The following SYMPK variants were observed in gnomAD, a reference collection of about 807,000 sequenced individuals.
The protein encoded by SYMPK is symplekin scaffold protein, also known as symplekin.
SYMPK carries 49 observed loss-of-function variants against 136.4 expected under a neutral mutation model. The observed-to-expected ratio is 0.36, with a 90% CI of 0.29 to 0.46. The LOEUF (loss-of-function observed/expected upper bound fraction) is 0.46. Ranked by LOEUF, SYMPK falls within the 20% of genes least tolerant of loss-of-function variation. SYMPK has a pLI of 1.00. For synonymous variants in SYMPK, 766 were observed against 713.0 expected, an observed-to-expected ratio of 1.07 and a Z score of -1.19; for missense variants, 1,365 against 1,690.0, an observed-to-expected ratio of 0.81 and a Z score of 3.37.
Position 45,838,492 on chromosome 19 carries a change from G to C in SYMPK, c.1211C>G (p.Pro404Arg), listed in dbSNP as rs1427190159. The C allele has an allele frequency of 6.2e-7, 1 of 1,614,028 alleles. No homozygotes were observed. Among genetic ancestry groups the C allele is most frequent in the Admixed American group, 1.7e-5 (1 of 60,016 alleles). ...DTDITAEFLQ[P>R]LLTPDNVANL... is the part of the protein sequence containing the mutation. ...AGCCACATTATCAGGCGTCAGCAGA[G>C]GCTGCAGGAACTCAGCTGTGATGTC... The change falls in exon 10 of 27, where the codon CCT becomes CGT. Residue 404 changes from proline (P) to arginine (R), a missense_variant. Physicochemically the swap from Pro to Arg is moderately radical, Grantham distance 103 (BLOSUM62 -2). Around this residue, in one of 11 missense-constraint regions of SYMPK, gnomAD observed 111 missense variants for 141.2 expected, o/e 0.79. Coordinates refer to ENST00000245934, the MANE Select transcript of SYMPK (RefSeq NM_004819.3).
intron 18 of SYMPK, among the ~76,000 whole-genome samples, chr19:45,824,929 G>GA (rs1421210862): frequency 1.3e-5 from 2 of 152,232 alleles, no homozygotes; most frequent in Non-Finnish European, 2.9e-5. Flanking sequence ...GTCGCAGTGA[G>GA]AAAGCGAGAA....
chr19:45,850,045 CAAAACAAAAACA>C (rs902500368), intron 5 of SYMPK, among the ~76,000 whole-genome samples: 10 of 151,022 alleles, frequency 6.6e-5, no homozygotes, highest in Admixed American at 2.0e-4. Flanking sequence ...AACTCCATCT[CAAAACAAAAACA>C]AAAACAAAAA....
At chr19:45,856,154 G>C (rs767477142) in intron 1 of SYMPK, among the ~76,000 whole-genome samples, 20 of 152,222 alleles carry the variant, frequency 1.3e-4, no homozygotes, top group Non-Finnish European at 2.8e-4. Flanking sequence ...AGGAGTTTGA[G>C]ACCAGCCTGG....
chr19:45,849,042 CT>C (rs1448595586), intron 5 of SYMPK, among the ~76,000 whole-genome samples, 166 bp from the exon 6 acceptor site: 10 of 152,252 alleles, frequency 6.6e-5, no homozygotes, highest in South Asian at 6.2e-4. Flanking sequence ...TGAGCCGCCC[CT>C]GAACCCTCTA....
Position 45,834,407 on chromosome 19 carries a change from C to T in SYMPK, c.1393+671G>A, listed in dbSNP as rs546070602. Among the ~76,000 whole-genome samples the T allele has an allele frequency of 5.3e-5, 8 of 150,700 alleles. No homozygotes were observed. The South Asian group carries it at 8.4e-4, about 16-fold the overall frequency. On this transcript the variant is annotated intron_variant, in intron 11 of 26. Transcript: ENST00000245934. ...TTGGGAGGCAGAGGTTGCAGTAAGC[C>T]GAGATTGCACCACTGCACTCCAGCC...
chr19:45,851,313 T>C (rs1971692058), intron 5 of SYMPK, among the ~76,000 whole-genome samples: 1 of 152,142 alleles, frequency 6.6e-6, no homozygotes, highest in East Asian at 1.9e-4. Flanking sequence ...TCGTGGCTCA[T>C]GCCTGTAATC....
In SYMPK at chr19:45,815,545, C is replaced by T. The variant is rs766973890; in HGVS notation, c.*15G>A. ...CCCGAGTCCCTGTCCCACCCCCTTT[C>T]CCCCTCGAGCCCCGTCAGCTGTTCC... On this transcript the variant is annotated 3_prime_UTR_variant, in exon 27 of 27. Coordinates refer to ENST00000245934, the MANE Select transcript of SYMPK (RefSeq NM_004819.3). 10 of 1,045,280 alleles carry T rather than the reference C, an allele frequency of 9.6e-6. No individual in the cohort carries two copies. The highest frequency in any genetic ancestry group is 1.5e-5 in the South Asian group (1 of 67,616). 64.8% of individuals were successfully genotyped at this position (1,045,280 alleles called of 1,614,324 possible).
At chr19:45,830,017 G>A in intron 13 of SYMPK, 37 bp downstream of exon 13, 1 of 1,528,234 alleles carries the variant, frequency 6.5e-7, no homozygotes, top group Non-Finnish European at 8.8e-7. Context: ...TGGGTAGAGG[G>A]ACTGGAAGGA....
At chr19:45,826,790 A>ACATGGC (rs1187791205) in intron 16 of SYMPK, among the ~76,000 whole-genome samples, 1 of 152,136 alleles carries the variant, frequency 6.6e-6, no homozygotes. Context: ...CAGCAGCAGC[A>ACATGGC]CATGGCCATG....
At chr19:45,841,293 C>CT (rs960093471) in intron 9 of SYMPK, among the ~76,000 whole-genome samples, 2 of 148,986 alleles carry the variant, frequency 1.3e-5, no homozygotes, top group African/African-American at 4.9e-5. Flanking sequence ...AATTCCCCCC[C>CT]CACCTTTTTT....
rs1420599946 is a variant in SYMPK at position 45,818,798 on chromosome 19, C to A, written c.2894-652G>T. On this transcript the variant is annotated intron_variant, in intron 22 of 26. Transcript: ENST00000245934. ...GGCACAGCACAAGCACCCATGAAGG[C>A]AGGCCCTGGGGTCTGTTCCCCGAGT... 6 of 152,480 alleles carry A rather than the reference C, an allele frequency of 3.9e-5. No individual in the cohort carries two copies. The East Asian group carries it at 1.2e-3, about 29-fold the overall frequency. The allele number at this position is 152,480 out of a possible 1,614,324, so 9.4% of individuals were successfully genotyped here. A position where few individuals can be genotyped will look rare whatever the true frequency, so the allele number is the denominator to read the frequency against.
intron 10 of SYMPK, among the ~76,000 whole-genome samples, chr19:45,837,161 A>G (rs1031432535): frequency 1.3e-5 from 2 of 152,226 alleles, no homozygotes; most frequent in Non-Finnish European, 2.9e-5. Flanking sequence ...ATGACTGAAA[A>G]CAAGCAAATA....
At chr19:45,854,092 T>G in intron 3 of SYMPK, 83 bp downstream of exon 3, 1 of 1,291,028 alleles carries the variant, frequency 7.7e-7, no homozygotes, top group Non-Finnish European at 1.1e-6. Context: ...ATGTGGACAC[T>G]GGTGTTACTG....
intron 3 of SYMPK, 116 bp downstream of exon 3, chr19:45,854,059 G>T: frequency 1.0e-6 from 1 of 987,166 alleles, no homozygotes; most frequent in Non-Finnish European, 1.6e-6. Flanking sequence ...GAGCACTGTG[G>T]CCGGCACACA....
intron 20 of SYMPK, among the ~76,000 whole-genome samples, chr19:45,823,052 C>T (rs1366170417): frequency 6.6e-6 from 1 of 152,160 alleles, no homozygotes; most frequent in Non-Finnish European, 1.5e-5. Flanking sequence ...CATGTGTGTG[C>T]CCCCAAGAGG....
chr19:45,841,290 C>T (rs1971428260), intron 9 of SYMPK, among the ~76,000 whole-genome samples: 1 of 150,752 alleles, frequency 6.6e-6, no homozygotes, highest in Admixed American at 6.6e-5. Flanking sequence ...GGCAATTCCC[C>T]CCCCACCTTT....
At chr19:45,827,461 T>G in intron 16 of SYMPK, 49 bp downstream of exon 16, 1 of 1,427,220 alleles carries the variant, frequency 7.0e-7, no homozygotes, top group Non-Finnish European at 9.9e-7. Context: ...AGAGGCGGCC[T>G]CTGCAAGCTG....
At position 45,862,255 on chromosome 19, in the gene SYMPK, G is replaced by A. The variant is rs564578734; in HGVS notation, c.-13+803C>T. 2.6e-5 allele frequency among the ~76,000 whole-genome samples: 4 copies of A among 152,238 alleles called. 1 individual carries two copies. The South Asian group carries it at 8.3e-4, about 32-fold the overall frequency. The stretch of plus-strand genomic sequence containing the variant: ...TTATTTAAGAACATTTGGGATGCGT[G>A]TAGCCTTTTGCTATGATGAACAGTA... On this transcript the variant is annotated intron_variant, in intron 1 of 26. Coordinates refer to ENST00000245934, the MANE Select transcript of SYMPK (RefSeq NM_004819.3).
chr19:45,834,453 T>C (rs577554913), intron 11 of SYMPK, among the ~76,000 whole-genome samples: 75 of 149,802 alleles, frequency 5.0e-4, no homozygotes, highest in Non-Finnish European at 9.3e-4. Flanking sequence ...AGCGAGACTT[T>C]GTCTCAAAAA....
Sources: gnomAD v4.1 joint callset for allele counts (sites outside exome capture counted in the v4.1 genomes callset) on GRCh38, gnomAD v4.1.1 for gene constraint, gnomAD v4.1.1 regional missense constraint, MANE v1.5 for transcripts, NCBI Gene and HGNC (gene_info 2026-07-23, HGNC 2026-07-21) for gene names.